Variants in GRIP1 observed in about 807,000 individuals in gnomAD.
GRIP1 encodes the protein glutamate receptor interacting protein 1.
GRIP1 carries 45 observed loss-of-function variants against 129.9 expected under a neutral mutation model. The observed-to-expected ratio is 0.35, with a 90% CI of 0.27 to 0.44. The LOEUF is 0.44. Among genes scored for constraint, GRIP1 ranks in the 20% least tolerant of loss-of-function variants. GRIP1 has a pLI of 1.00. For missense variants in GRIP1, 1,196 were observed against 1,396.8 expected, an observed-to-expected ratio of 0.86 and a Z score of 2.29; for synonymous variants, 530 against 520.8, an observed-to-expected ratio of 1.02 and a Z score of -0.24.
chr12:66,973,919 C>CTTTTTTTTTTTTTTTTT, intron 1 of GRIP1, among the ~76,000 whole-genome samples: 1 of 121,358 alleles, frequency 8.2e-6, no homozygotes, highest in Non-Finnish European at 1.7e-5. Flanking sequence ...CTTTTCTTTT[C>CTTTTTTTTTTTTTTTTT]TTTTTTTTTT....
At chr12:66,985,533 T>C (rs1279515230) in intron 1 of GRIP1, among the ~76,000 whole-genome samples, 1 of 152,166 alleles carries the variant, frequency 6.6e-6, no homozygotes, top group African/African-American at 2.4e-5. Flanking sequence ...ACATTTTGAT[T>C]TACAACTTAA....
At chr12:66,536,885 C>T (rs931001764) in intron 4 of GRIP1, among the ~76,000 whole-genome samples, 1 of 152,142 alleles carries the variant, frequency 6.6e-6, no homozygotes, top group Non-Finnish European at 1.5e-5. Flanking sequence ...AACCTGAGTT[C>T]TCATTAGTAT....
chr12:66,909,049 T>G (rs1433918716), intron 1 of GRIP1, among the ~76,000 whole-genome samples: 7 of 152,266 alleles, frequency 4.6e-5, no homozygotes, highest in Non-Finnish European at 1.0e-4. Context: ...TTATGCTCTC[T>G]TTACATTTGT....
chr12:66,473,946 C>T (rs932084877), intron 7 of GRIP1, among the ~76,000 whole-genome samples: 7 of 152,034 alleles, frequency 4.6e-5, no homozygotes, highest in African/African-American at 1.7e-4. Context: ...CACAGCTCCT[C>T]GCCAGCAAGG....
At chr12:66,777,914 C>A (rs1484471426) in intron 1 of GRIP1, among the ~76,000 whole-genome samples, 2 of 152,110 alleles carry the variant, frequency 1.3e-5, no homozygotes, top group African/African-American at 4.8e-5. Flanking sequence ...CCCTCCTTCC[C>A]TCCCTCTCTC....
chr12:66,894,091 A>G (rs542868484), intron 1 of GRIP1, among the ~76,000 whole-genome samples: 39 of 152,276 alleles, frequency 2.6e-4, no homozygotes, highest in Non-Finnish European at 4.6e-4. Context: ...AAAAGTCCAC[A>G]TGCCTTGCTT....
chr12:66,967,448 G>T (rs1319630643), intron 1 of GRIP1, among the ~76,000 whole-genome samples: 6 of 152,152 alleles, frequency 3.9e-5, no homozygotes. Flanking sequence ...AGCCATTTAA[G>T]TATGTTATTC....
intron 1 of GRIP1, among the ~76,000 whole-genome samples, chr12:67,063,560 C>T (rs368229480): frequency 6.6e-6 from 1 of 152,220 alleles, no homozygotes. Flanking sequence ...CAGCATTTGG[C>T]TTCGCATTTG....
chr12:66,895,157 G>T (rs1304323423), intron 1 of GRIP1, among the ~76,000 whole-genome samples: 1 of 152,138 alleles, frequency 6.6e-6, no homozygotes, highest in Non-Finnish European at 1.5e-5. Context: ...CCTTTGATAT[G>T]GTTTGGCTGT....
chr12:66,854,447 T>C (rs1196958603), intron 1 of GRIP1, among the ~76,000 whole-genome samples: 1 of 151,778 alleles, frequency 6.6e-6, no homozygotes, highest in East Asian at 2.0e-4. Flanking sequence ...GTAATTTAGA[T>C]AAATATTTTA....
rs886657722 is a variant in GRIP1, at chr12:66,478,213, C to T, written c.725-12791G>A. Among the ~76,000 whole-genome samples the T allele has an allele frequency of 7.2e-4, 109 of 152,274 alleles. 1 individual carries two copies. The highest frequency in any genetic ancestry group is 6.8e-3 in the Middle Eastern group (2 of 294). The stretch of plus-strand genomic sequence containing the variant: ...ACAAACAACCCCATCAAAAAGTGGG[C>T]TAAGGATATGAACAGACACTTCTCA... On this transcript the variant is annotated intron_variant, in intron 7 of 24. Transcript: ENST00000359742.
intron 1 of GRIP1, among the ~76,000 whole-genome samples, chr12:66,965,031 AC>A (rs773986518): frequency 6.6e-6 from 1 of 152,096 alleles, no homozygotes; most frequent in Admixed American, 6.6e-5. Flanking sequence ...CTCTTTAAAG[AC>A]CCTGTCTTCA....
intron 1 of GRIP1, among the ~76,000 whole-genome samples, chr12:66,785,335 C>CATATATATATATATATAT (rs1448856691): frequency 3.3e-3 from 92 of 27,686 alleles, no homozygotes; most frequent in Non-Finnish European, 4.8e-3. Context: ...TACATACATA[C>CATATATATATATATATAT]ATACATACAT....
At position 66,348,590 on chromosome 12, in the gene GRIP1, A is replaced by AGCTTTGTTGCCC; in HGVS notation, c.*428_*429insGGGCAACAAAGC. 5.0e-6 allele frequency: 1 copy of AGCTTTGTTGCCC among 200,296 alleles called. No individual in the cohort carries two copies. Among genetic ancestry groups the AGCTTTGTTGCCC allele is most frequent in the Non-Finnish European group, 1.0e-5 (1 of 97,022 alleles). The allele number at this position is 200,296 out of a possible 1,614,324, so 12.4% of individuals were successfully genotyped here. ...AGTAGAGCCAGCCTATGAGAAGAAA[A>AGCTTTGTTGCCC]GCTTTGTTGGCCAAGTTCTTACATT... On this transcript the variant is annotated 3_prime_UTR_variant, in exon 25 of 25. Transcript: ENST00000359742.
chr12:66,541,749 A>C, intron 3 of GRIP1, 66 bp downstream of exon 3: 1 of 1,522,554 alleles, frequency 6.6e-7, no homozygotes, highest in South Asian at 1.1e-5. Flanking sequence ...CTTTTGATGG[A>C]GCTTTAATTT....
chr12:67,033,179 T>A (rs1223160558), intron 1 of GRIP1, among the ~76,000 whole-genome samples: 1 of 151,638 alleles, frequency 6.6e-6, no homozygotes, highest in African/African-American at 2.4e-5. Flanking sequence ...CCTAGCTATA[T>A]ATAATCAAAC....
Position 67,024,902 on chromosome 12 carries a change from T to A in GRIP1, c.58+44148A>T, listed in dbSNP as rs1223486726. Among the ~76,000 whole-genome samples, 5 of 152,204 alleles carry A rather than the reference T, an allele frequency of 3.3e-5. No individual in the cohort carries two copies. The East Asian group carries it at 9.6e-4, about 29-fold the overall frequency. On this transcript the variant is annotated intron_variant, in intron 1 of 1. Transcript: ENST00000643019. ...AAAAACTTATCTCAATTTAAAGAAA[T>A]CATGAGATTTTTCTCACTGCCATTT...
chr12:66,813,948 A>C (rs1189224409), intron 1 of GRIP1, among the ~76,000 whole-genome samples: 1 of 152,202 alleles, frequency 6.6e-6, no homozygotes, highest in Non-Finnish European at 1.5e-5. Flanking sequence ...GTTCTCAGAA[A>C]GAAATCAAGC....
intron 1 of GRIP1, among the ~76,000 whole-genome samples, chr12:66,710,087 G>A (rs2035665305): frequency 6.6e-6 from 1 of 151,898 alleles, no homozygotes; most frequent in African/African-American, 2.4e-5. Flanking sequence ...AGGTTGCTCT[G>A]CAGTGAAGTT....
Sources: allele counts gnomAD v4.1 joint callset (sites outside exome capture counted in the v4.1 genomes callset), GRCh38; gene constraint gnomAD v4.1.1; transcripts MANE v1.5; gene names NCBI Gene and HGNC (gene_info 2026-07-23, HGNC 2026-07-21).